The following PSPH variants were observed in gnomAD, a reference collection of about 807,000 sequenced individuals.
The protein encoded by PSPH is L-3-phosphoserine phosphatase.
Under a neutral mutation model 23.4 loss-of-function variants are expected in PSPH, and 16 were observed. The ratio of observed to expected loss-of-function variants is 0.68; its 90% confidence interval spans 0.46 to 1.04. PSPH has a LOEUF of 1.04. Among genes scored for constraint, PSPH ranks in the 50% least tolerant of loss-of-function variants. PSPH has a pLI of 0.00. For missense variants in PSPH, 223 were observed against 273.7 expected, an observed-to-expected ratio of 0.81 and a Z score of 1.31; for synonymous variants, 68 against 99.7, an observed-to-expected ratio of 0.68 and a Z score of 1.89.
chr7:56,023,919 A>G (rs1584423065), intron 3 of PSPH, among the ~76,000 whole-genome samples: 1 of 151,396 alleles, frequency 6.6e-6, no homozygotes, highest in African/African-American at 2.4e-5. Context: ...ATTTTATTTT[A>G]CTTTTTTTTT....
chr7:56,050,438 G>T (rs1269941584), intron 1 of PSPH, among the ~76,000 whole-genome samples: 2 of 151,998 alleles, frequency 1.3e-5, no homozygotes, highest in Non-Finnish European at 2.9e-5. Context: ...GCTAATTTTT[G>T]TATTTGTTGT....
intron 7 of PSPH, among the ~76,000 whole-genome samples, chr7:56,013,380 G>T (rs1788191702): frequency 6.6e-6 from 1 of 151,756 alleles, no homozygotes; most frequent in South Asian, 2.1e-4. Flanking sequence ...TTAGATAGGT[G>T]TGGTGGCATG....
intron 3 of PSPH, among the ~76,000 whole-genome samples, chr7:56,030,507 C>A (rs36049923): frequency 0.055 from 8,310 of 152,162 alleles, 294 homozygotes; most frequent in Middle Eastern, 0.078. Flanking sequence ...GGCCGTTATC[C>A]TAAGTGAATT....
At chr7:56,038,834 C>G (rs1442263969) in intron 1 of PSPH, among the ~76,000 whole-genome samples, 1 of 151,652 alleles carries the variant, frequency 6.6e-6, no homozygotes, top group East Asian at 1.9e-4. Context: ...GAGTGAGACT[C>G]CGTCCCCCAA....
At chr7:56,043,282 C>T (rs1406166953) in intron 1 of PSPH, 8 of 149,116 alleles carry the variant, frequency 5.4e-5, no homozygotes, top group African/African-American at 9.9e-5. Flanking sequence ...AAAAAAAAGA[C>T]AGCTGTAGAG....
chr7:56,045,741 C>G (rs1793139222), intron 1 of PSPH, among the ~76,000 whole-genome samples: 1 of 151,816 alleles, frequency 6.6e-6, no homozygotes, highest in Non-Finnish European at 1.5e-5. Context: ...CAAAAATTAG[C>G]TGGGTGTGGT....
chr7:56,015,839 G>A (rs1466279002), intron 6 of PSPH, among the ~76,000 whole-genome samples: 1 of 151,626 alleles, frequency 6.6e-6, no homozygotes, highest in Non-Finnish European at 1.5e-5. Flanking sequence ...TGTATTTTTA[G>A]TAGAGATGGG....
chr7:56,037,282 G>C (rs989446737), intron 1 of PSPH, among the ~76,000 whole-genome samples: 1 of 151,780 alleles, frequency 6.6e-6, no homozygotes, highest in Non-Finnish European at 1.5e-5. Context: ...TGGAATAATA[G>C]CACATAAGAA....
At chr7:56,025,014 G>A (rs1789995690) in intron 3 of PSPH, among the ~76,000 whole-genome samples, 1 of 151,658 alleles carries the variant, frequency 6.6e-6, no homozygotes, top group African/African-American at 2.4e-5. Context: ...ATGTTGGCCT[G>A]TCTGGTCTCG....
intron 7 of PSPH, among the ~76,000 whole-genome samples, chr7:56,013,220 T>C (rs1168618778): frequency 1.4e-5 from 2 of 147,918 alleles, no homozygotes; most frequent in Non-Finnish European, 3.0e-5. Context: ...TTTAAAATGC[T>C]TAGAAATAAA....
At chr7:56,041,948 C>T (rs957631272) in intron 1 of PSPH, among the ~76,000 whole-genome samples, 2 of 151,220 alleles carry the variant, frequency 1.3e-5, no homozygotes, top group African/African-American at 2.4e-5. Context: ...CTGGACCGGG[C>T]GCAGTGGCTC....
At chr7:56,048,672 C>T (rs895089604) in intron 1 of PSPH, among the ~76,000 whole-genome samples, 19 of 151,992 alleles carry the variant, frequency 1.3e-4, no homozygotes, top group African/African-American at 3.4e-4. Context: ...CTCACTCTGT[C>T]GCCGAGACTG....
rs191119299 is a variant in PSPH at position 56,032,688 on chromosome 7, C to T, written c.-145-634G>A. On this transcript the variant is annotated intron_variant, in intron 2 of 7. Transcript: ENST00000275605. The stretch of plus-strand genomic sequence containing the variant: ...AAAAAAGGCCGGGCATGGGGACTCA[C>T]ACCTGTAATCCCAGCACTTCGGGAG... 8.0e-3 allele frequency among the ~76,000 whole-genome samples: 1,203 copies of T among 150,814 alleles called. 18 individuals carry two copies. Among genetic ancestry groups the T allele is most frequent in the Middle Eastern group, 0.018 (5 of 282 alleles).
At chr7:56,027,888 A>C (rs995057564) in intron 3 of PSPH, among the ~76,000 whole-genome samples, 1 of 90,434 alleles carries the variant, frequency 1.1e-5, no homozygotes, top group Non-Finnish European at 2.2e-5. Flanking sequence ...TTCTTTCTCT[A>C]AAAAAAAAAA....
At position 56,017,466 on chromosome 7, in the gene PSPH, A is replaced by G. The variant is rs575744624; in HGVS notation, c.276-87T>C. ...CGAAACATGAAGAGGGAAATAAGAT[A>G]CATTTTCTTCTCCTGAATGCATTTG... On this transcript the variant is annotated intron_variant, in intron 5 of 7. Coordinates refer to ENST00000275605, the MANE Select transcript of PSPH (RefSeq NM_004577.4). The G allele has an allele frequency of 4.5e-5, 70 of 1,552,580 alleles. No individual in the cohort carries two copies. The African/African-American group carries it at 6.1e-4, about 14-fold the overall frequency.
chr7:56,016,653 C>T (rs1303549061), intron 6 of PSPH, among the ~76,000 whole-genome samples: 1 of 151,988 alleles, frequency 6.6e-6, no homozygotes, highest in Non-Finnish European at 1.5e-5. Flanking sequence ...TCACTGCAGC[C>T]TCCGCCTCCC....
Position 56,040,054 on chromosome 7 carries a change from G to A in PSPH, c.-291-5948C>T, listed in dbSNP as rs536940262. On this transcript the variant is annotated intron_variant, in intron 1 of 7. Coordinates refer to ENST00000275605, the MANE Select transcript of PSPH (RefSeq NM_004577.4). ...GCAGAGCTTGCAGTGAGCTGAGATC[G>A]TGCCACTGCACTCCAGCCTGGGTGA... Among the ~76,000 whole-genome samples, 17 of 151,320 alleles carry A rather than the reference G, an allele frequency of 1.1e-4. No individual in the cohort carries two copies. The East Asian group carries it at 2.3e-3, about 21-fold the overall frequency.
At chr7:56,024,042 T>A (rs910037816) in intron 3 of PSPH, among the ~76,000 whole-genome samples, 1 of 151,918 alleles carries the variant, frequency 6.6e-6, no homozygotes, top group Non-Finnish European at 1.5e-5. Flanking sequence ...TTCTCCTGCC[T>A]CAGCCTCTCT....
At chr7:56,021,341 T>C in intron 3 of PSPH, 110 bp from the exon 4 acceptor site, 1 of 1,007,310 alleles carries the variant, frequency 9.9e-7, no homozygotes, top group Non-Finnish European at 1.5e-6. Context: ...GCAGGCCACA[T>C]AAGAGTGTTC....
Sources: gnomAD v4.1 joint callset for allele counts (sites outside exome capture counted in the v4.1 genomes callset) on GRCh38, gnomAD v4.1.1 for gene constraint, MANE v1.5 for transcripts, NCBI Gene and HGNC (gene_info 2026-07-23, HGNC 2026-07-21) for gene names.